The following SLIT1 variants were observed in gnomAD, a reference collection of about 807,000 sequenced individuals.
The protein encoded by SLIT1 is slit guidance ligand 1.
Under a neutral mutation model 186.1 loss-of-function variants are expected in SLIT1, and 66 were observed. That is an observed-to-expected ratio of 0.35 (90% confidence interval 0.29 to 0.44). The LOEUF is 0.44. SLIT1 is among the 20% of genes least tolerant of loss of function. The pLI is 1.00. For missense variants in SLIT1, 1,638 were observed against 2,037.4 expected (o/e 0.80, Z 3.77); for synonymous variants, 761 against 833.8 (o/e 0.91, Z 1.50).
chr10:97,121,922 A>G (rs945833136), intron 4 of SLIT1, among the ~76,000 whole-genome samples: 1 of 152,228 alleles, frequency 6.6e-6, no homozygotes, highest in African/African-American at 2.4e-5. Context: ...ATATTCCTGG[A>G]TTATCTCATT....
chr10:97,176,346 C>A (rs1000843163), intron 1 of SLIT1, among the ~76,000 whole-genome samples: 1 of 152,100 alleles, frequency 6.6e-6, no homozygotes, highest in African/African-American at 2.4e-5. Flanking sequence ...CATCAAAACT[C>A]CCTCTCACCT....
At chr10:97,049,869 G>T (rs61864173) in intron 13 of SLIT1, among the ~76,000 whole-genome samples, 4,236 of 152,336 alleles carry the variant, frequency 0.028, 111 homozygotes, top group South Asian at 0.12. Flanking sequence ...GGATGGTGGC[G>T]GGGAGCAGAT....
At chr10:97,066,974 G>A (rs1235747575) in intron 4 of SLIT1, among the ~76,000 whole-genome samples, 1 of 152,188 alleles carries the variant, frequency 6.6e-6, no homozygotes, top group Non-Finnish European at 1.5e-5. Flanking sequence ...TGCGCCTGGG[G>A]CTTACGCTCT....
intron 4 of SLIT1, among the ~76,000 whole-genome samples, chr10:97,124,392 G>A (rs1033323086): frequency 4.6e-5 from 7 of 152,306 alleles, no homozygotes; most frequent in South Asian, 4.1e-4. Flanking sequence ...TCCTCAGCAC[G>A]GTAGCTGCCC....
intron 1 of SLIT1, among the ~76,000 whole-genome samples, chr10:97,181,406 G>A (rs1168515195): frequency 6.6e-6 from 1 of 152,284 alleles, no homozygotes; most frequent in Admixed American, 6.5e-5. Flanking sequence ...GCCCTGGGCA[G>A]CCTTCCTTAT....
intron 4 of SLIT1, among the ~76,000 whole-genome samples, chr10:97,147,854 C>T (rs1375029447): frequency 6.6e-6 from 1 of 152,186 alleles, no homozygotes; most frequent in East Asian, 1.9e-4. Context: ...ACTGCATTCC[C>T]ACCCCTGTGT....
chr10:97,001,078 T>C lies in SLIT1; in HGVS notation c.*34A>G, dbSNP rs757033258. 2 of 1,581,196 alleles carry C rather than the reference T, an allele frequency of 1.3e-6. No individual in the cohort carries two copies. The highest frequency in any genetic ancestry group is 1.7e-5 in the Admixed American group (1 of 59,264). Reference sequence around the variant, plus strand: ...CCGCTGCTGCAGCGGCTGGGGCCCCTTGCCCGCCCTCACCGGCCTGTCCAC... The same window carrying C: ...CCGCTGCTGCAGCGGCTGGGGCCCCCTGCCCGCCCTCACCGGCCTGTCCAC... On this transcript the variant is annotated 3_prime_UTR_variant, in exon 37 of 37. Coordinates refer to ENST00000266058, the MANE Select transcript of SLIT1 (RefSeq NM_003061.3).
chr10:97,164,488 C>A (rs145542573), intron 2 of SLIT1, among the ~76,000 whole-genome samples: 2 of 152,270 alleles, frequency 1.3e-5, no homozygotes, highest in South Asian at 4.1e-4. Context: ...CCGTGCCCAG[C>A]GGCTTGTCAG....
Position 97,042,987 on chromosome 10 carries a change from G to A in SLIT1, c.2078C>T (p.Thr693Met), listed in dbSNP as rs1466808467. Residue 693 changes from threonine (T) to methionine (M), a missense_variant, in exon 20 of 37, where the codon ACG becomes ATG. By Grantham distance (81) the Thr-to-Met change is moderately conservative. Around this residue, in one of 3 missense-constraint regions of SLIT1, gnomAD observed 1,245 missense variants for 1,535.3 expected, o/e 0.81. Coordinates refer to ENST00000266058, the MANE Select transcript of SLIT1 (RefSeq NM_003061.3). ...AGGGTTCTGGCATCGCGGGTTCCCC[G>A]TCACGATCTTGCGCTTCCGTAGCCA... ...GGWLRKRKIV[T>M]GNPRCQNPDF... 5.0e-6 allele frequency: 8 copies of A among 1,614,122 alleles called. No individual in the cohort carries two copies. The highest frequency in any genetic ancestry group is 1.1e-5 in the South Asian group (1 of 91,084).
chr10:97,168,808 C>G (rs141286984), intron 1 of SLIT1, among the ~76,000 whole-genome samples: 1 of 152,128 alleles, frequency 6.6e-6, no homozygotes, highest in Non-Finnish European at 1.5e-5. Context: ...TTCATGGCAA[C>G]TAAAGCAATT....
Position 97,057,197 on chromosome 10 carries a change from G to A in SLIT1, c.1157+13C>T, listed in dbSNP as rs375485253. On this transcript the variant is annotated intron_variant, in intron 12 of 36. Transcript: ENST00000266058. ...CCTGGGTCCCACCCAAGACACCCAG[G>A]ATTCGTTCTTACAGGAGCTGTAGGG... The A allele has an allele frequency of 6.2e-7, 1 of 1,611,006 alleles. No individual in the cohort carries two copies. Among genetic ancestry groups the A allele is most frequent in the Non-Finnish European group, 8.5e-7 (1 of 1,177,408 alleles).
chr10:97,006,334 AT>A lies in SLIT1; in HGVS notation c.3579+148del. ...TGTGCTTAAACTAGTTCAAGCTGAG[AT>A]TTTGATACCCATATGCAAAACGTTT... On this transcript the variant is annotated intron_variant, in intron 32 of 36. Transcript: ENST00000266058. This position sits in a 1 kb window ranked among gnomAD's most constrained non-coding sequence, Gnocchi z 4.0. The A allele has an allele frequency of 1.6e-6, 1 of 620,882 alleles. No individual in the cohort carries two copies. The highest frequency in any genetic ancestry group is 2.8e-5 in the East Asian group (1 of 36,354). 38.5% of individuals were successfully genotyped at this position (620,882 alleles called of 1,614,324 possible).
intron 4 of SLIT1, among the ~76,000 whole-genome samples, chr10:97,104,850 C>A (rs563961832): frequency 6.6e-6 from 1 of 152,174 alleles, no homozygotes; most frequent in African/African-American, 2.4e-5. Context: ...ATGCCTCCCA[C>A]GGATGGCCAA....
intron 3 of SLIT1, among the ~76,000 whole-genome samples, chr10:97,162,529 C>T (rs1850042682): frequency 6.6e-6 from 1 of 152,178 alleles, no homozygotes. Context: ...GGGGGAATCG[C>T]TTGAACCCGG....
rs945534378 is a variant in SLIT1, at chr10:97,076,806, A to G, written c.414-10720T>C. Among the ~76,000 whole-genome samples, 29 of 152,300 alleles carry G rather than the reference A, an allele frequency of 1.9e-4. 1 individual carries two copies. Among genetic ancestry groups the G allele is most frequent in the African/African-American group, 7.0e-4 (29 of 41,560 alleles). On this transcript the variant is annotated intron_variant, in intron 4 of 36. Transcript: ENST00000266058. ...TTCTCAGTGTGAATCTGTTTGTTTC[A>G]TCTTCTCCAGAAGTTCAAGCTCAGG...
Position 97,019,125 on chromosome 10 carries a change from T to G in SLIT1, c.2747-18A>C. 2 of 1,495,794 alleles carry G rather than the reference T, an allele frequency of 1.3e-6. No individual in the cohort carries two copies. The highest frequency in any genetic ancestry group is 1.9e-6 in the Non-Finnish European group (2 of 1,073,910). 92.7% of individuals were successfully genotyped at this position (1,495,794 alleles called of 1,614,324 possible). ...TGGAGGACCTGCAGCAAGGGGAGGG[T>G]GCTAGTGCAGGGGGAGGGGTGGGCA... On this transcript the variant is annotated intron_variant, in intron 26 of 36. Coordinates refer to ENST00000266058, the MANE Select transcript of SLIT1 (RefSeq NM_003061.3).
chr10:97,015,469 A>G (rs948135240), intron 28 of SLIT1, among the ~76,000 whole-genome samples: 1 of 152,252 alleles, frequency 6.6e-6, no homozygotes, highest in African/African-American at 2.4e-5. Context: ...GAATTAAGTG[A>G]CATGGCTATA....
chr10:97,005,776 C>T (rs752833830), intron 32 of SLIT1, among the ~76,000 whole-genome samples: 3 of 151,718 alleles, frequency 2.0e-5, no homozygotes, highest in Non-Finnish European at 2.9e-5. Context: ...GAGCAGAATG[C>T]GCATGTTTGA....
rs201210333 is a variant in SLIT1, at chr10:97,037,681, G to A, written c.2366+17C>T. 9.4e-6 allele frequency: 15 copies of A among 1,602,732 alleles called. No homozygotes were observed. In the African/African-American group the frequency reaches 2.0e-4, roughly 21 times the overall value. On this transcript the variant is annotated intron_variant, in intron 22 of 36. Coordinates refer to ENST00000266058, the MANE Select transcript of SLIT1 (RefSeq NM_003061.3). ...ATGCCAAAGGCCCTCCTGTCCTCAA[G>A]CGGCCTGGATACTTACACGAGCTGC...
Sources: gnomAD v4.1 joint callset for allele counts (sites outside exome capture counted in the v4.1 genomes callset) on GRCh38, gnomAD v4.1.1 for gene constraint, gnomAD v4.1.1 regional missense constraint, Gnocchi (gnomAD v3.1) non-coding constraint, MANE v1.5 for transcripts, NCBI Gene and HGNC (gene_info 2026-07-23, HGNC 2026-07-21) for gene names.